Variants in STPG2 observed in about 807,000 individuals in gnomAD.
STPG2 encodes the protein sperm tail PG-rich repeat containing 2.
A neutral mutation model predicts 54.2 loss-of-function variants in STPG2; 56 were observed. The observed-to-expected ratio is 1.03, with a 90% CI of 0.83 to 1.29. The LOEUF is 1.29. Among genes scored for constraint, STPG2 ranks in the 50% most tolerant of loss-of-function variants. The pLI, the probability that STPG2 is intolerant of heterozygous loss-of-function variation, is 0.00. For missense variants in STPG2, 596 were observed against 544.9 expected, an observed-to-expected ratio of 1.09 and a Z score of -0.93; for synonymous variants, 200 against 181.8, an observed-to-expected ratio of 1.10 and a Z score of -0.81.
intron 4 of STPG2, among the ~76,000 whole-genome samples, chr4:97,470,480 C>T (rs1369277279): frequency 1.3e-5 from 2 of 151,926 alleles, no homozygotes; most frequent in Non-Finnish European, 2.9e-5. Context: ...ATAGTAGTCC[C>T]CCTTCATCTG....
At chr4:97,725,799 C>T (rs78142316) in intron 9 of STPG2, among the ~76,000 whole-genome samples, 2,558 of 151,796 alleles carry the variant, frequency 0.017, 70 homozygotes, top group African/African-American at 0.058. Flanking sequence ...AAAACATAAA[C>T]GACCTGAGTC....
At chr4:97,628,637 A>C (rs1721125818) in intron 10 of STPG2, among the ~76,000 whole-genome samples, 1 of 152,118 alleles carries the variant, frequency 6.6e-6, no homozygotes. Context: ...ATGCTTCTAA[A>C]TATGTATTTA....
intron 9 of STPG2, among the ~76,000 whole-genome samples, chr4:97,769,838 A>G (rs926639629): frequency 1.3e-5 from 2 of 152,208 alleles, no homozygotes; most frequent in Non-Finnish European, 2.9e-5. Flanking sequence ...ATGGAAATGA[A>G]CTAACCAGAC....
chr4:98,066,917 A>C (rs879892223), intron 5 of STPG2, among the ~76,000 whole-genome samples: 5 of 152,306 alleles, frequency 3.3e-5, no homozygotes, highest in Admixed American at 3.3e-4. Context: ...TATTAAATAT[A>C]TAATATGTAT....
chr4:98,006,669 G>A lies in STPG2; in HGVS notation c.613-25351C>T, dbSNP rs573125102. On this transcript the variant is annotated intron_variant, in intron 5 of 10. Transcript: ENST00000295268. Reference sequence around the variant, plus strand: ...TGTAATTGGACTCTACCACTTCACAGGACAAGAACAGGAAGAGATTTGCTG... The same window carrying A: ...TGTAATTGGACTCTACCACTTCACAAGACAAGAACAGGAAGAGATTTGCTG... Among the ~76,000 whole-genome samples the A allele has an allele frequency of 3.0e-4, 46 of 152,250 alleles. 1 individual carries two copies. The highest frequency in any genetic ancestry group is 1.1e-3 in the African/African-American group (45 of 41,568).
Position 97,967,861 on chromosome 4 carries a change from G to T in STPG2, c.933+4419C>A, listed in dbSNP as rs562949044. ...AATCTCTGGGACACATTTAAAGCAG[G>T]GTGTAGAGGGAAATTTATACTACTA... On this transcript the variant is annotated intron_variant, in intron 7 of 10. Transcript: ENST00000295268. 5.9e-5 allele frequency among the ~76,000 whole-genome samples: 9 copies of T among 152,004 alleles called. No homozygotes were observed. The South Asian group carries it at 1.5e-3, about 25-fold the overall frequency.
intron 9 of STPG2, among the ~76,000 whole-genome samples, chr4:97,737,683 C>A (rs1483847445): frequency 6.6e-6 from 1 of 152,140 alleles, no homozygotes; most frequent in African/African-American, 2.4e-5. Context: ...AAGAAACAAA[C>A]AAAGCATTCA....
intron 10 of STPG2, among the ~76,000 whole-genome samples, chr4:97,632,747 C>T (rs534007221): frequency 6.6e-6 from 1 of 152,108 alleles, no homozygotes; most frequent in African/African-American, 2.4e-5. Flanking sequence ...TGACCAAGAC[C>T]AGGAAGGGAA....
intron 5 of STPG2, among the ~76,000 whole-genome samples, chr4:98,039,450 A>G (rs946604971): frequency 1.4e-5 from 2 of 138,810 alleles, no homozygotes; most frequent in Admixed American, 7.1e-5. Context: ...GTCTGTGTAC[A>G]TATACATATT....
At chr4:98,035,918 G>A (rs1259144977) in intron 5 of STPG2, among the ~76,000 whole-genome samples, 1 of 152,002 alleles carries the variant, frequency 6.6e-6, no homozygotes, top group African/African-American at 2.4e-5. Context: ...GACACAGGGA[G>A]GGGAACATCA....
intron 10 of STPG2, among the ~76,000 whole-genome samples, chr4:97,582,199 T>C (rs765134793): frequency 6.6e-6 from 1 of 152,034 alleles, no homozygotes; most frequent in Non-Finnish European, 1.5e-5. Context: ...ACCAATACTT[T>C]CTGCAAATGT....
At chr4:97,580,668 CT>C (rs1732842015) in intron 10 of STPG2, among the ~76,000 whole-genome samples, 1 of 151,860 alleles carries the variant, frequency 6.6e-6, no homozygotes, top group African/African-American at 2.4e-5. Flanking sequence ...CGACAAACTG[CT>C]TTAAAGAAAA....
At chr4:97,726,809 AACAT>A (rs1340997591) in intron 9 of STPG2, among the ~76,000 whole-genome samples, 257 of 151,186 alleles carry the variant, frequency 1.7e-3, no homozygotes, top group African/African-American at 5.9e-3. Flanking sequence ...ACATAATACA[AACAT>A]ACACACACAC....
chr4:97,466,378 G>A (rs1025122746), intron 4 of STPG2, among the ~76,000 whole-genome samples: 6 of 151,942 alleles, frequency 3.9e-5, no homozygotes, highest in Non-Finnish European at 7.4e-5. Context: ...AGATGAGTAT[G>A]GTTTCTTGAA....
intron 8 of STPG2, among the ~76,000 whole-genome samples, chr4:97,895,311 T>C (rs1392772982): frequency 6.6e-6 from 1 of 151,552 alleles, no homozygotes; most frequent in African/African-American, 2.4e-5. Flanking sequence ...ACGTAAAGAG[T>C]AAGAAATTAT....
intron 10 of STPG2, among the ~76,000 whole-genome samples, chr4:97,676,468 C>T (rs780273957): frequency 3.3e-5 from 5 of 151,232 alleles, no homozygotes; most frequent in African/African-American, 4.9e-5. Context: ...TTTCTTTTTC[C>T]GCATCTGAAA....
chr4:97,451,687 A>G (rs911499015), intron 4 of STPG2, among the ~76,000 whole-genome samples: 1 of 152,128 alleles, frequency 6.6e-6, no homozygotes, highest in Non-Finnish European at 1.5e-5. Context: ...CTATTCCAAG[A>G]GTTGCAAAGG....
chr4:98,023,743 C>T (rs1327741930), intron 5 of STPG2, among the ~76,000 whole-genome samples: 2 of 152,180 alleles, frequency 1.3e-5, no homozygotes, highest in Non-Finnish European at 2.9e-5. Flanking sequence ...GCGGGCACCC[C>T]TCCCCCAGCC....
At chr4:98,074,940 C>T (rs1312707952) in intron 5 of STPG2, among the ~76,000 whole-genome samples, 1 of 129,308 alleles carries the variant, frequency 7.7e-6, no homozygotes, top group South Asian at 2.5e-4. Context: ...ATATTATATA[C>T]AGAAAAAAAT....
Sources: gnomAD v4.1 joint callset for allele counts (sites outside exome capture counted in the v4.1 genomes callset) on GRCh38, gnomAD v4.1.1 for gene constraint, MANE v1.5 for transcripts, NCBI Gene and HGNC (gene_info 2026-07-23, HGNC 2026-07-21) for gene names.